Variants in WDR27 observed in about 807,000 individuals in gnomAD.
WDR27 encodes the protein WD repeat-containing protein 27.
WDR27 carries 100 observed loss-of-function variants against 114.4 expected under a neutral mutation model. The observed-to-expected ratio is 0.87, with a 90% confidence interval of 0.74 to 1.03. WDR27 has a LOEUF of 1.03. Among genes scored for constraint, WDR27 ranks in the 50% least tolerant of loss-of-function variants. The pLI is 0.00. For synonymous variants in WDR27, 449 were observed against 423.1 expected, an observed-to-expected ratio of 1.06 and a Z score of -0.75; for missense variants, 1,129 against 1,092.9, an observed-to-expected ratio of 1.03 and a Z score of -0.47.
chr6:169,567,910 G>C (rs1401803979), intron 25 of WDR27, among the ~76,000 whole-genome samples: 1 of 152,164 alleles, frequency 6.6e-6, no homozygotes, highest in East Asian at 1.9e-4. Context: ...GCTGGCCCTT[G>C]TACCCCAGCC....
intron 25 of WDR27, among the ~76,000 whole-genome samples, chr6:169,470,686 C>G (rs565731008): frequency 6.6e-6 from 1 of 152,190 alleles, no homozygotes; most frequent in Admixed American, 6.5e-5. Flanking sequence ...CTTACAAAGC[C>G]AACAATTCTA....
At chr6:169,480,907 C>T (rs2997876) in intron 25 of WDR27, among the ~76,000 whole-genome samples, 104,668 of 145,376 alleles carry the variant, frequency 0.72, 37,735 homozygotes, top group Non-Finnish European at 0.77. Flanking sequence ...TCTAGCTAAT[C>T]TGGTGGGGAC....
At chr6:169,597,526 A>G (rs553759454) in intron 23 of WDR27, among the ~76,000 whole-genome samples, 3 of 152,352 alleles carry the variant, frequency 2.0e-5, no homozygotes, top group African/African-American at 7.2e-5. Context: ...GCTGGATTGC[A>G]GCTTGGGTGA....
chr6:169,567,939 T>C (rs1001721639), intron 25 of WDR27, among the ~76,000 whole-genome samples: 1 of 152,118 alleles, frequency 6.6e-6, no homozygotes, highest in Non-Finnish European at 1.5e-5. Flanking sequence ...GACGTAAAGC[T>C]GGGAGGAAGG....
rs200952813 is a variant in WDR27 at position 169,668,026 on chromosome 6, G to T, written c.616C>A (p.Arg206=). Residue 206 remains arginine, a synonymous_variant, in exon 5 of 26, where the codon CGA becomes AGA. Coordinates refer to ENST00000448612, the MANE Select transcript of WDR27 (RefSeq NM_182552.5). ...GACGCCGAGATGAGGGTGCCTGCTC[G>T]CCAGGGACAGAACTCCACCGCAGTC... ...PVTAVEFCPW[R]AGTLISASED... The T allele has an allele frequency of 6.2e-7, 1 of 1,613,908 alleles. No homozygotes were observed.
Position 169,483,275 on chromosome 6 carries a change from G to T in WDR27, c.2646-25641C>A, listed in dbSNP as rs370288151. ...TTTTTGAAAAAATTAGTAAGAGACT[G>T]CTAGCTAGACTAATAAGAACAGAGA... On this transcript the variant is annotated intron_variant, in intron 25 of 25. Coordinates refer to ENST00000448612, the MANE Select transcript of WDR27 (RefSeq NM_182552.5). Among the ~76,000 whole-genome samples, 20 of 152,148 alleles carry T rather than the reference G, an allele frequency of 1.3e-4. No homozygotes were observed. In the South Asian group the frequency reaches 2.5e-3, roughly 19 times the overall value.
intron 21 of WDR27, among the ~76,000 whole-genome samples, chr6:169,625,561 G>A (rs553551316): frequency 1.1e-4 from 16 of 152,358 alleles, no homozygotes; most frequent in Admixed American, 5.2e-4. Flanking sequence ...CTGAAGTGCC[G>A]GGGACCAGGC....
intron 25 of WDR27, among the ~76,000 whole-genome samples, chr6:169,487,228 C>T (rs886221383): frequency 6.6e-6 from 1 of 152,222 alleles, no homozygotes; most frequent in East Asian, 1.9e-4. Context: ...ACTTGACATA[C>T]AGCGAATACC....
chr6:169,592,931 T>G (rs1562649517), intron 23 of WDR27, among the ~76,000 whole-genome samples: 1 of 152,226 alleles, frequency 6.6e-6, no homozygotes. Context: ...GTCCTCTTTT[T>G]GTATCAGTTA....
intron 23 of WDR27, among the ~76,000 whole-genome samples, chr6:169,596,555 C>T (rs1455393402): frequency 2.6e-5 from 4 of 152,018 alleles, no homozygotes; most frequent in African/African-American, 7.2e-5. Context: ...TTAGCAGACA[C>T]ATTTTTATGG....
chr6:169,572,928 A>G (rs976580843), intron 24 of WDR27, among the ~76,000 whole-genome samples: 19 of 152,202 alleles, frequency 1.2e-4, no homozygotes, highest in Admixed American at 1.0e-3. Flanking sequence ...TCTACATGAT[A>G]TAACTACTTA....
At position 169,470,729 on chromosome 6, in the gene WDR27, T is replaced by A. The variant is rs192569636; in HGVS notation, c.2646-13095A>T. Among the ~76,000 whole-genome samples the A allele has an allele frequency of 1.1e-3, 173 of 152,334 alleles. 1 individual carries two copies. The highest frequency in any genetic ancestry group is 3.9e-3 in the African/African-American group (163 of 41,588). On this transcript the variant is annotated intron_variant, in intron 25 of 25. Transcript: ENST00000448612. The stretch of plus-strand genomic sequence containing the variant: ...AGGATCTCACCTCTATGAACTCTTT[T>A]AACCTTAATCACCTCCTAAAAGCCC...
At chr6:169,606,236 A>C (rs1029512299) in intron 22 of WDR27, among the ~76,000 whole-genome samples, 3 of 152,166 alleles carry the variant, frequency 2.0e-5, no homozygotes, top group African/African-American at 7.2e-5. Flanking sequence ...AAAATTTACA[A>C]GGAACTCAAA....
chr6:169,499,557 A>G (rs1790856972), intron 25 of WDR27, among the ~76,000 whole-genome samples: 3 of 152,230 alleles, frequency 2.0e-5, no homozygotes, highest in Admixed American at 2.0e-4. Context: ...CACCTGCACC[A>G]TCAAATAATG....
intron 24 of WDR27, among the ~76,000 whole-genome samples, chr6:169,577,943 T>C (rs1371383592): frequency 6.6e-6 from 1 of 152,140 alleles, no homozygotes; most frequent in East Asian, 1.9e-4. Flanking sequence ...CAGCAGATCT[T>C]GAGACTTCTC....
rs558188851 is a variant in WDR27 at position 169,573,538 on chromosome 6, G to A, written c.2524-998C>T. On this transcript the variant is annotated intron_variant, in intron 24 of 25. Coordinates refer to ENST00000448612, the MANE Select transcript of WDR27 (RefSeq NM_182552.5). The stretch of plus-strand genomic sequence containing the variant: ...GGTTCTGTAGGACTTGAGTGTGTGA[G>A]GATTTGGGAGCACACGGGGGACCTG... 5.9e-5 allele frequency among the ~76,000 whole-genome samples: 9 copies of A among 152,290 alleles called. No homozygotes were observed. The East Asian group carries it at 1.7e-3, about 29-fold the overall frequency.
rs560732234 is a variant in WDR27 at position 169,670,297 on chromosome 6, A to T, written c.456+272T>A. 67 of 284,968 alleles carry T rather than the reference A, an allele frequency of 2.4e-4. 1 individual carries two copies. In the South Asian group the frequency reaches 5.9e-3, roughly 25 times the overall value. The allele number at this position is 284,968 out of a possible 1,614,324, so 17.7% of individuals were successfully genotyped here. On this transcript the variant is annotated intron_variant, in intron 4 of 25. Transcript: ENST00000448612. Reference sequence around the variant, plus strand: ...ACAATCAGGGAATATCTGAGAAATAATAGTTTTGCAGAACATGTTTCTCTA... The same window carrying T: ...ACAATCAGGGAATATCTGAGAAATATTAGTTTTGCAGAACATGTTTCTCTA...
At chr6:169,560,551 C>T (rs975054953) in intron 25 of WDR27, among the ~76,000 whole-genome samples, 4 of 152,202 alleles carry the variant, frequency 2.6e-5, no homozygotes, top group Non-Finnish European at 5.9e-5. Context: ...AGGTGTCGGG[C>T]ACAGCCAGGT....
chr6:169,593,852 AAAACAAAC>A (rs150266215), intron 23 of WDR27, among the ~76,000 whole-genome samples: 22,771 of 135,018 alleles, frequency 0.17, 1,860 homozygotes, highest in African/African-American at 0.19. Flanking sequence ...CTGTCTCAAA[AAAACAAAC>A]AAACAAACAA....
Sources: allele counts gnomAD v4.1 joint callset (sites outside exome capture counted in the v4.1 genomes callset), GRCh38; gene constraint gnomAD v4.1.1; transcripts MANE v1.5; gene names NCBI Gene and HGNC (gene_info 2026-07-23, HGNC 2026-07-21).